PLPPR4: variants seen among roughly 807,000 people sequenced by gnomAD.
PLPPR4 encodes phospholipid phosphatase-related protein type 4.
A neutral mutation model predicts 56.6 loss-of-function variants in PLPPR4; 24 were observed. That is an observed-to-expected ratio of 0.42 (90% CI 0.31 to 0.60). PLPPR4 has a LOEUF of 0.60. Ranked by LOEUF, PLPPR4 falls within the 20% of genes least tolerant of loss-of-function variation. The pLI is 0.13. For synonymous variants in PLPPR4, 326 were observed against 328.1 expected (o/e 0.99, Z 0.07); for missense variants, 654 against 885.8 (o/e 0.74, Z 3.32).
chr1:99,293,864 A>T (rs1458040444), intron 2 of PLPPR4, among the ~76,000 whole-genome samples: 3 of 152,154 alleles, frequency 2.0e-5, no homozygotes, highest in African/African-American at 7.2e-5. Flanking sequence ...GTACTAAGAA[A>T]TATATTTCCT....
chr1:99,297,560 A>G (rs11801953), intron 3 of PLPPR4, among the ~76,000 whole-genome samples: 3,892 of 152,174 alleles, frequency 0.026, 162 homozygotes, highest in African/African-American at 0.089. Context: ...AATGTTTTCT[A>G]TTCATTCCCA....
At chr1:99,289,892 T>C (rs915429578) in intron 2 of PLPPR4, among the ~76,000 whole-genome samples, 3 of 152,078 alleles carry the variant, frequency 2.0e-5, no homozygotes, top group Non-Finnish European at 4.4e-5. Flanking sequence ...AAGACAAGGA[T>C]GAACTCTCTC....
intron 1 of PLPPR4, among the ~76,000 whole-genome samples, chr1:99,280,412 C>T (rs1659294670): frequency 6.6e-6 from 1 of 152,190 alleles, no homozygotes. Flanking sequence ...GTGTACTTTT[C>T]AGAAATTGCC....
intron 2 of PLPPR4, among the ~76,000 whole-genome samples, chr1:99,293,549 C>T (rs1244783485): frequency 6.6e-6 from 1 of 151,968 alleles, no homozygotes; most frequent in African/African-American, 2.4e-5. Flanking sequence ...AAAAAGGGCG[C>T]TTTTTCTTCC....
At chr1:99,270,621 C>G (rs916807345) in intron 1 of PLPPR4, among the ~76,000 whole-genome samples, 5 of 152,302 alleles carry the variant, frequency 3.3e-5, no homozygotes, top group African/African-American at 1.2e-4. Flanking sequence ...CACAAGATTT[C>G]TCTTCTATCT....
chr1:99,268,847 C>G (rs1187095404), intron 1 of PLPPR4, among the ~76,000 whole-genome samples: 1 of 152,158 alleles, frequency 6.6e-6, no homozygotes, highest in Non-Finnish European at 1.5e-5. Flanking sequence ...TTCCCAAGTA[C>G]ACTGCAAGTG....
chr1:99,276,199 C>T (rs1315959066), intron 1 of PLPPR4, among the ~76,000 whole-genome samples: 1 of 152,064 alleles, frequency 6.6e-6, no homozygotes, highest in Non-Finnish European at 1.5e-5. Context: ...AAGTGTGCAT[C>T]TAAGTGTGTA....
At chr1:99,279,702 G>T (rs568808529) in intron 1 of PLPPR4, among the ~76,000 whole-genome samples, 1 of 152,286 alleles carries the variant, frequency 6.6e-6, no homozygotes, top group East Asian at 1.9e-4. Context: ...ATGACAGCAG[G>T]ATACACGGCG....
intron 2 of PLPPR4, among the ~76,000 whole-genome samples, chr1:99,291,100 A>G (rs1659608735): frequency 6.6e-6 from 1 of 152,132 alleles, no homozygotes; most frequent in African/African-American, 2.4e-5. Context: ...TTTACCAAAA[A>G]AAAAAACAAT....
intron 1 of PLPPR4, among the ~76,000 whole-genome samples, chr1:99,267,109 T>C (rs1352047739): frequency 6.6e-6 from 1 of 152,180 alleles, no homozygotes; most frequent in East Asian, 1.9e-4. Context: ...AAACCATAAT[T>C]TAAGTAACAA....
At chr1:99,298,221 G>C (rs1659791865) in intron 3 of PLPPR4, among the ~76,000 whole-genome samples, 1 of 152,098 alleles carries the variant, frequency 6.6e-6, no homozygotes, top group African/African-American at 2.4e-5. Flanking sequence ...CAGAATGCAA[G>C]CTGTCAAGTC....
intron 5 of PLPPR4, 46 bp downstream of exon 5, chr1:99,301,012 C>T (rs1248217244): frequency 1.3e-6 from 2 of 1,534,710 alleles, no homozygotes; most frequent in East Asian, 2.3e-5. Context: ...TACAGAAAAT[C>T]TGAGGAATGA....
At chr1:99,293,717 A>G (rs2100803009) in intron 2 of PLPPR4, among the ~76,000 whole-genome samples, 1 of 152,220 alleles carries the variant, frequency 6.6e-6, no homozygotes, top group Non-Finnish European at 1.5e-5. Flanking sequence ...GCTTCCAAAA[A>G]ACATTCATTG....
chr1:99,271,320 G>A (rs1426719860), intron 1 of PLPPR4, among the ~76,000 whole-genome samples: 1 of 152,038 alleles, frequency 6.6e-6, no homozygotes, highest in African/African-American at 2.4e-5. Flanking sequence ...TTTTTACCAG[G>A]GACACATAGC....
intron 2 of PLPPR4, among the ~76,000 whole-genome samples, chr1:99,294,636 C>T: frequency 6.7e-6 from 1 of 148,520 alleles, no homozygotes. Flanking sequence ...GCGGAGGTTG[C>T]AGTGAGCCAA....
At chr1:99,300,272 C>A (rs1659852480) in intron 4 of PLPPR4, among the ~76,000 whole-genome samples, 1 of 151,836 alleles carries the variant, frequency 6.6e-6, no homozygotes, top group Non-Finnish European at 1.5e-5. Flanking sequence ...CTTTTGCCTG[C>A]CCTTTTCAGA....
intron 6 of PLPPR4, among the ~76,000 whole-genome samples, chr1:99,303,552 C>A (rs992976694): frequency 6.6e-5 from 10 of 151,860 alleles, no homozygotes; most frequent in African/African-American, 1.7e-4. Flanking sequence ...GAGGAAAAGG[C>A]AATAATGAAA....
intron 4 of PLPPR4, 124 bp downstream of exon 4, chr1:99,299,354 C>T: frequency 1.4e-6 from 1 of 709,266 alleles, no homozygotes. Context: ...CTTTTCAATT[C>T]AATGATCTCT....
rs1269890965 is a variant in PLPPR4, at chr1:99,296,719, T to C, written c.265-19T>C. On this transcript the variant is annotated intron_variant, in intron 2 of 6. Coordinates refer to ENST00000370185, the MANE Select transcript of PLPPR4 (RefSeq NM_014839.5). The stretch of plus-strand genomic sequence containing the variant: ...GTATTCCAACATGCCTCTTCCTGAA[T>C]ACCCTTCTATCTTTGCAGATTATGG... 1.3e-6 allele frequency: 2 copies of C among 1,562,444 alleles called. No individual in the cohort carries two copies. Among genetic ancestry groups the C allele is most frequent in the Admixed American group, 3.6e-5 (2 of 56,056 alleles).
Sources: gnomAD v4.1 joint callset for allele counts (sites outside exome capture counted in the v4.1 genomes callset) on GRCh38, gnomAD v4.1.1 for gene constraint, MANE v1.5 for transcripts, NCBI Gene and HGNC (gene_info 2026-07-23, HGNC 2026-07-21) for gene names.